The following COL4A6 variants were observed in gnomAD, a reference collection of about 807,000 sequenced individuals.
The protein encoded by COL4A6 is collagen type IV alpha 6 chain, also known as collagen alpha-6(IV) chain.
Under a neutral mutation model 126.7 loss-of-function variants are expected in COL4A6, and 59 were observed. The observed-to-expected ratio is 0.47, with a 90% CI of 0.38 to 0.58. COL4A6 has a LOEUF of 0.58. Ranked by LOEUF, COL4A6 falls within the 20% of genes least tolerant of loss-of-function variation. COL4A6 has a pLI of 0.00. For synonymous variants in COL4A6, 547 were observed against 496.6 expected (o/e 1.10, Z -1.35); for missense variants, 1,285 against 1,337.3 (o/e 0.96, Z 0.61).
intron 3 of COL4A6, among the ~76,000 whole-genome samples, chrX:108,307,778 G>A (rs1475021854): frequency 1.8e-5 from 2 of 111,751 alleles, no homozygotes; most frequent in Non-Finnish European, 3.8e-5. Flanking sequence ...GGTACTGAGA[G>A]GCTGTCCTGC....
At chrX:108,305,807 G>A (rs1356841066) in intron 3 of COL4A6, among the ~76,000 whole-genome samples, 1 of 111,785 alleles carries the variant, frequency 8.9e-6, no homozygotes, top group East Asian at 2.8e-4. Flanking sequence ...TTGTTGTGAT[G>A]GGGAAGACAT....
At chrX:108,178,179 C>T (rs2034557227) in intron 27 of COL4A6, among the ~76,000 whole-genome samples, 1 of 112,654 alleles carries the variant, frequency 8.9e-6, no homozygotes, top group South Asian at 3.7e-4. Context: ...AAAGGCAAAG[C>T]TGCAAACACG....
intron 5 of COL4A6, among the ~76,000 whole-genome samples, chrX:108,215,506 T>C (rs2035835508): frequency 9.0e-6 from 1 of 111,622 alleles, no homozygotes; most frequent in African/African-American, 3.3e-5. Context: ...TCTATCTCCC[T>C]CAGATCTATG....
At chrX:108,280,707 A>T (rs1362230274) in intron 3 of COL4A6, among the ~76,000 whole-genome samples, 1 of 111,502 alleles carries the variant, frequency 9.0e-6, no homozygotes, top group Non-Finnish European at 1.9e-5. Context: ...AGAATTTTAG[A>T]CCAATATCCT....
intron 2 of COL4A6, among the ~76,000 whole-genome samples, chrX:108,378,895 T>C (rs909618805): frequency 1.8e-5 from 2 of 112,635 alleles, no homozygotes; most frequent in Non-Finnish European, 3.7e-5. Flanking sequence ...AGATAAGTAG[T>C]TGTGACAGAG....
At chrX:108,391,943 C>T (rs1214871133) in intron 2 of COL4A6, among the ~76,000 whole-genome samples, 1 of 112,234 alleles carries the variant, frequency 8.9e-6, no homozygotes, top group African/African-American at 3.2e-5. Context: ...CAGACCAGAG[C>T]TGTTCCTGTT....
At chrX:108,188,814 C>A in intron 20 of COL4A6, 137 bp from the exon 21 acceptor site, 1 of 606,914 alleles carries the variant, frequency 1.6e-6, no homozygotes, top group Non-Finnish European at 2.4e-6. Context: ...CTCAAATGAA[C>A]TTGGTTCACT....
Position 108,277,182 on chromosome X carries a change from G to A in COL4A6, c.144+33566C>T, listed in dbSNP as rs559132309. Among the ~76,000 whole-genome samples, 13 of 111,829 alleles carry A rather than the reference G, an allele frequency of 1.2e-4. No homozygotes were observed. In the South Asian group the frequency reaches 3.4e-3, roughly 29 times the overall value. On this transcript the variant is annotated intron_variant, in intron 3 of 44. Coordinates refer to ENST00000334504, the MANE Select transcript of COL4A6 (RefSeq NM_033641.4). ...GTGGGTGCACAAGCCGAAGCAGGGC[G>A]AGGCATTGCCTCACTCGGGAAGCGT...
At chrX:108,366,358 A>G (rs2040198146) in intron 2 of COL4A6, among the ~76,000 whole-genome samples, 1 of 112,258 alleles carries the variant, frequency 8.9e-6, no homozygotes, top group Non-Finnish European at 1.9e-5. Context: ...GTGATTTTGC[A>G]TCACATCATG....
intron 2 of COL4A6, among the ~76,000 whole-genome samples, chrX:108,349,753 C>T (rs764694558): frequency 2.8e-4 from 31 of 111,483 alleles, no homozygotes; most frequent in Non-Finnish European, 5.1e-4. Flanking sequence ...TAGATAGATA[C>T]TATATTCTAT....
At chrX:108,402,804 C>G in intron 2 of COL4A6, among the ~76,000 whole-genome samples, 1 of 110,943 alleles carries the variant, frequency 9.0e-6, no homozygotes, top group Middle Eastern at 4.6e-3. Context: ...AAAACATGTT[C>G]TAGACGTATG....
At chrX:108,235,749 T>C (rs1047105140) in intron 3 of COL4A6, among the ~76,000 whole-genome samples, 1 of 111,738 alleles carries the variant, frequency 8.9e-6, no homozygotes, top group Non-Finnish European at 1.9e-5. Flanking sequence ...GAAAACACTT[T>C]AAACAAATTA....
chrX:108,340,258 G>A (rs2039526894), intron 2 of COL4A6, among the ~76,000 whole-genome samples: 1 of 111,332 alleles, frequency 9.0e-6, no homozygotes, highest in Non-Finnish European at 1.9e-5. Context: ...ATGGCTATTG[G>A]ACACCTGAAA....
In COL4A6 at chrX:108,310,805, T is replaced by C. The variant is rs879068389; in HGVS notation, c.87A>G (p.Pro29=). The C allele has an allele frequency of 1.7e-6, 2 of 1,209,179 alleles. No homozygotes were observed. Among genetic ancestry groups the C allele is most frequent in the Non-Finnish European group, 2.2e-6 (2 of 893,570 alleles). Residue 29 remains proline, a synonymous_variant, in exon 3 of 45, where the codon CCA becomes CCG. Transcript: ENST00000334504. ...TCCCACTGCAGTCCTGGCCCCCACATGGCTTTCCATAAGACTTCTCTCCCT... is the reference window on the plus strand; with the variant it reads ...TCCCACTGCAGTCCTGGCCCCCACACGGCTTTCCATAAGACTTCTCTCCCT... ...AAAGEKSYGK[P]CGGQDCSGSC...
rs767051551 is a variant in COL4A6, at chrX:108,171,053, T to C, written c.3278-136A>G. ...ACTCTAAAAAAGATAGTGGTGGCTG[T>C]TTTCACATTAGAAAGGTGCCCTACA... On this transcript the variant is annotated intron_variant, in intron 33 of 44. Coordinates refer to ENST00000334504, the MANE Select transcript of COL4A6 (RefSeq NM_033641.4). 1.4e-4 allele frequency: 78 copies of C among 562,965 alleles called. No homozygotes were observed. The East Asian group carries it at 2.7e-3, about 20-fold the overall frequency. 46.4% of individuals were successfully genotyped at this position (562,965 alleles called of 1,213,427 possible).
At chrX:108,196,822 T>C (rs758081877) in intron 13 of COL4A6, among the ~76,000 whole-genome samples, 23 of 112,411 alleles carry the variant, frequency 2.0e-4, no homozygotes, top group African/African-American at 7.4e-4. Context: ...GTTCCATGTA[T>C]TTATAGTATC....
At chrX:108,399,330 CAAAT>C in intron 2 of COL4A6, among the ~76,000 whole-genome samples, 1 of 111,548 alleles carries the variant, frequency 9.0e-6, no homozygotes, top group East Asian at 2.8e-4. Flanking sequence ...TTAATGGTCT[CAAAT>C]AGACTCTAAG....
intron 3 of COL4A6, among the ~76,000 whole-genome samples, chrX:108,295,518 G>T (rs886689721): frequency 3.5e-5 from 4 of 112,836 alleles, no homozygotes; most frequent in African/African-American, 1.3e-4. Context: ...TGAAAATAAA[G>T]TTGTATCATC....
intron 18 of COL4A6, among the ~76,000 whole-genome samples, chrX:108,191,769 C>A (rs1350981162): frequency 1.8e-5 from 2 of 111,397 alleles, no homozygotes; most frequent in African/African-American, 6.5e-5. Context: ...CAGTGGCAAA[C>A]CTGAGAGGAA....
Sources: allele counts gnomAD v4.1 joint callset (sites outside exome capture counted in the v4.1 genomes callset), GRCh38; gene constraint gnomAD v4.1.1; transcripts MANE v1.5; gene names NCBI Gene and HGNC (gene_info 2026-07-23, HGNC 2026-07-21).